Variants in CD226 observed in about 807,000 individuals in gnomAD.
The protein encoded by CD226 is CD226 antigen.
In CD226, 24 loss-of-function variants were observed where a neutral mutation model predicts 34.9. The ratio of observed to expected loss-of-function variants is 0.69; its 90% CI spans 0.50 to 0.97. CD226 has a LOEUF of 0.97. CD226 is among the 50% of genes least tolerant of loss of function. CD226 has a pLI of 0.00. For synonymous variants in CD226, 148 were observed against 147.4 expected (o/e 1.00, Z -0.03); for missense variants, 397 against 412.7 (o/e 0.96, Z 0.33).
At chr18:69,958,611 T>C (rs1422116286), upstream of CD226, among the ~76,000 whole-genome samples, 12 of 152,162 alleles carry the variant, frequency 7.9e-5, no homozygotes. Flanking sequence ...TGGTTCACAA[T>C]AGGGTGAATG....
chr18:69,904,027 C>T (rs2055220136), intron 2 of CD226, among the ~76,000 whole-genome samples: 1 of 152,176 alleles, frequency 6.6e-6, no homozygotes, highest in South Asian at 2.1e-4. Context: ...CACACGTTGC[C>T]ATTTTCTGTC....
chr18:69,956,158 G>A (rs1459501232), intron 1 of CD226, among the ~76,000 whole-genome samples: 2 of 152,240 alleles, frequency 1.3e-5, no homozygotes, highest in African/African-American at 4.8e-5. Flanking sequence ...GCAGCCCACT[G>A]ATTTCCATAA....
chr18:69,917,480 A>AC (rs112192139), intron 2 of CD226, among the ~76,000 whole-genome samples: 43 of 151,022 alleles, frequency 2.8e-4, no homozygotes, highest in African/African-American at 8.8e-4. Flanking sequence ...TAGGTTACAC[A>AC]CCCCCCCAAC....
intron 2 of CD226, among the ~76,000 whole-genome samples, chr18:69,904,877 T>A (rs759541786): frequency 6.6e-6 from 1 of 152,202 alleles, no homozygotes; most frequent in Non-Finnish European, 1.5e-5. Context: ...GAAAAAGACA[T>A]CAAGAGATTA....
In CD226 at chr18:69,862,448, C is replaced by T. The variant is rs1279718962; in HGVS notation, c.*1866G>A. On this transcript the variant is annotated 3_prime_UTR_variant, in exon 6 of 6. Transcript: ENST00000582621. ...TAGTAGAGTGCTTTCTTGTAAACTGCCTTTCAAGTTTGTTACACTAATATA... is the reference window on the plus strand; with the variant it reads ...TAGTAGAGTGCTTTCTTGTAAACTGTCTTTCAAGTTTGTTACACTAATATA... 1 of 152,084 alleles carries T rather than the reference C, an allele frequency of 6.6e-6. No individual in the cohort carries two copies. Among genetic ancestry groups the T allele is most frequent in the Non-Finnish European group, 1.5e-5 (1 of 67,986 alleles). The allele number at this position is 152,084 out of a possible 1,614,324, so 9.4% of individuals were successfully genotyped here.
intron 2 of CD226, among the ~76,000 whole-genome samples, chr18:69,900,684 A>G (rs1173893560): frequency 1.4e-5 from 2 of 147,636 alleles, no homozygotes; most frequent in Non-Finnish European, 3.0e-5. Flanking sequence ...GTGAGCCGAG[A>G]TTGCGCCACT....
At chr18:69,933,426 G>A (rs1328048104) in intron 2 of CD226, among the ~76,000 whole-genome samples, 1 of 152,122 alleles carries the variant, frequency 6.6e-6, no homozygotes, top group Non-Finnish European at 1.5e-5. Flanking sequence ...CTTCCTGCCA[G>A]CCCTTGTCTC....
At chr18:69,900,253 G>A (rs2055158084) in intron 2 of CD226, among the ~76,000 whole-genome samples, 1 of 152,128 alleles carries the variant, frequency 6.6e-6, no homozygotes, top group South Asian at 2.1e-4. Context: ...ACATAAAGAA[G>A]GAAACAACAG....
At chr18:69,886,551 C>T (rs565591466) in intron 3 of CD226, among the ~76,000 whole-genome samples, 1 of 151,974 alleles carries the variant, frequency 6.6e-6, no homozygotes, top group African/African-American at 2.4e-5. Context: ...TCTAAAAATA[C>T]AAAAATTAGC....
chr18:69,880,423 GA>G (rs1984176277), intron 3 of CD226, among the ~76,000 whole-genome samples: 1 of 151,780 alleles, frequency 6.6e-6, no homozygotes, highest in South Asian at 2.1e-4. Flanking sequence ...GGAGAAAGAA[GA>G]AAGAGTTGGC....
At chr18:69,875,001 T>C (rs1983773350) in intron 3 of CD226, among the ~76,000 whole-genome samples, 1 of 152,234 alleles carries the variant, frequency 6.6e-6, no homozygotes, top group South Asian at 2.1e-4. Flanking sequence ...CTAGGTTGCA[T>C]CCACATCTTG....
chr18:69,873,699 G>A (rs930823877), intron 3 of CD226, among the ~76,000 whole-genome samples: 4 of 152,000 alleles, frequency 2.6e-5, no homozygotes, highest in Non-Finnish European at 2.9e-5. Flanking sequence ...GTGAAACCCC[G>A]TCTCTACTAA....
intron 4 of CD226, 45 bp from the exon 5 acceptor site, chr18:69,867,456 G>A (rs1203174878): frequency 1.6e-6 from 2 of 1,223,958 alleles, no homozygotes; most frequent in Non-Finnish European, 2.4e-6. Flanking sequence ...TGATATTCCA[G>A]TACTAATATT....
chr18:69,885,557 G>A (rs1418831339), intron 3 of CD226, among the ~76,000 whole-genome samples: 4 of 152,192 alleles, frequency 2.6e-5, no homozygotes, highest in East Asian at 1.9e-4. Flanking sequence ...CACAGGAAGC[G>A]TCCAGTGGGT....
rs760791084 is a variant in CD226, at chr18:69,873,159, A to T, written c.815T>A (p.Val272Asp). 3.8e-6 allele frequency: 6 copies of T among 1,591,058 alleles called. No homozygotes were observed. Among genetic ancestry groups the T allele is most frequent in the Non-Finnish European group, 5.2e-6 (6 of 1,159,076 alleles). Residue 272 changes from valine to aspartate, a missense_variant, in exon 4 of 6, where the codon GTC (valine) becomes GAC (aspartate). Transcript: ENST00000582621. ...CACTACTCACCTGTTAAGGAAAATG[A>T]CAATGATGGTGGTAATTGAGATAAC... ...LFVISITTIIVIFLNRRRRRE... is the reference protein window; with the variant it reads ...LFVISITTIIDIFLNRRRRRE...
At chr18:69,918,160 A>G (rs2145302581) in intron 2 of CD226, among the ~76,000 whole-genome samples, 1 of 152,348 alleles carries the variant, frequency 6.6e-6, no homozygotes, top group South Asian at 2.1e-4. Context: ...GACAAGACCC[A>G]TCACGTCCCT....
intron 2 of CD226, among the ~76,000 whole-genome samples, chr18:69,929,063 G>A (rs1457456821): frequency 6.6e-6 from 1 of 152,188 alleles, no homozygotes; most frequent in Non-Finnish European, 1.5e-5. Context: ...GAAATGACCA[G>A]AGCCAAAGGT....
In CD226 at chr18:69,863,229, A is replaced by T. The variant is rs1982920602; in HGVS notation, c.*1085T>A. ...TCCTATGCCACCACTTTCAACTGTCACTTTTAGTGGTATATTATATTCAAC... is the reference window on the plus strand; with the variant it reads ...TCCTATGCCACCACTTTCAACTGTCTCTTTTAGTGGTATATTATATTCAAC... On this transcript the variant is annotated 3_prime_UTR_variant, in exon 6 of 6. Coordinates refer to ENST00000582621, the MANE Select transcript of CD226 (RefSeq NM_001303618.2). The T allele has an allele frequency of 6.6e-6, 1 of 152,140 alleles. No homozygotes were observed. 9.4% of individuals were successfully genotyped at this position (152,140 alleles called of 1,614,324 possible). A position where few individuals can be genotyped will look rare whatever the true frequency, so the allele number is the denominator to read the frequency against.
intron 3 of CD226, among the ~76,000 whole-genome samples, chr18:69,884,790 A>C (rs996479964): frequency 6.6e-6 from 1 of 152,196 alleles, no homozygotes; most frequent in African/African-American, 2.4e-5. Flanking sequence ...ATGTGTGACA[A>C]ATGTCTGACA....
Sources: gnomAD v4.1 joint callset for allele counts (sites outside exome capture counted in the v4.1 genomes callset) on GRCh38, gnomAD v4.1.1 for gene constraint, MANE v1.5 for transcripts, NCBI Gene and HGNC (gene_info 2026-07-23, HGNC 2026-07-21) for gene names.